The following EPC1 variants were observed in gnomAD, a reference collection of about 807,000 sequenced individuals.
EPC1 encodes the protein enhancer of polycomb homolog 1.
Under a neutral mutation model 98.4 loss-of-function variants are expected in EPC1, and 12 were observed. That is an observed-to-expected ratio of 0.12 (90% CI 0.08 to 0.20). The LOEUF is 0.20. Among genes scored for constraint, EPC1 ranks in the 10% least tolerant of loss-of-function variants. The probability of loss-of-function intolerance (pLI) is 1.00; values close to 1 mark genes in which losing one functional copy is unlikely to be tolerated. For missense variants in EPC1, 729 were observed against 990.5 expected, an observed-to-expected ratio of 0.74 and a Z score of 3.54; for synonymous variants, 357 against 363.9, an observed-to-expected ratio of 0.98 and a Z score of 0.21.
chr10:32,305,739 G>A (rs1293409232), intron 2 of EPC1, 33 bp downstream of exon 2: 1 of 1,519,276 alleles, frequency 6.6e-7, no homozygotes, highest in East Asian at 2.4e-5. Flanking sequence ...GAGAAATATA[G>A]AAAATACAAT....
intron 1 of EPC1, among the ~76,000 whole-genome samples, chr10:32,368,155 A>G (rs1009959822): frequency 6.6e-6 from 1 of 152,248 alleles, no homozygotes; most frequent in African/African-American, 2.4e-5. Context: ...GACAAATAAA[A>G]GAAAGAAGTA....
intron 1 of EPC1, 52 bp from the exon 2 acceptor site, chr10:32,305,983 C>A (rs1294634125): frequency 1.3e-6 from 2 of 1,482,394 alleles, no homozygotes; most frequent in Non-Finnish European, 1.8e-6. Context: ...AAGCAGTAAA[C>A]AGATCATATA....
rs764020605 is a variant in EPC1, at chr10:32,284,789, C to T, written c.1653G>A (p.Arg551=). ...NDELSCRKLY[R]SINRTGTAQP... ...GTGCTGTTCCTGTTCGGTTTATACT[C>T]CTATATAATTTTCTACAGGAGAGTT... is the stretch of plus-strand genomic sequence containing the variant. The change falls in exon 10 of 14, where the codon AGG becomes AGA. Residue 551 remains arginine (R), a synonymous_variant. Transcript: ENST00000319778. 5 of 1,614,154 alleles carry T rather than the reference C, an allele frequency of 3.1e-6. No homozygotes were observed. The South Asian group carries it at 5.5e-5, about 18-fold the overall frequency.
intron 1 of EPC1, among the ~76,000 whole-genome samples, chr10:32,328,883 G>A (rs1837467897): frequency 6.6e-6 from 1 of 152,156 alleles, no homozygotes; most frequent in African/African-American, 2.4e-5. Context: ...TAACATTTTT[G>A]TTCACAGTTC....
At chr10:32,334,760 G>T (rs1310480893) in intron 1 of EPC1, among the ~76,000 whole-genome samples, 2 of 152,162 alleles carry the variant, frequency 1.3e-5, no homozygotes, top group African/African-American at 2.4e-5. Flanking sequence ...ACTGTGTTTT[G>T]TAAGGTGGGG....
At position 32,312,385 on chromosome 10, in the gene EPC1, A is replaced by C. The variant is rs563481800; in HGVS notation, c.154-6454T>G. Among the ~76,000 whole-genome samples the C allele has an allele frequency of 6.6e-5, 10 of 152,340 alleles. No individual in the cohort carries two copies. In the South Asian group the frequency reaches 2.1e-3, roughly 32 times the overall value. On this transcript the variant is annotated intron_variant, in intron 1 of 13. Coordinates refer to ENST00000319778, the MANE Select transcript of EPC1 (RefSeq NM_001272004.3). ...CCATCAATTAGAGAGACATCTGAAAATTGTAAGTTCAAGATATTTAAATAC... is the reference window on the plus strand; with the variant it reads ...CCATCAATTAGAGAGACATCTGAAACTTGTAAGTTCAAGATATTTAAATAC...
At chr10:32,311,932 T>C (rs1328311323) in intron 1 of EPC1, among the ~76,000 whole-genome samples, 3 of 152,232 alleles carry the variant, frequency 2.0e-5, no homozygotes, top group African/African-American at 7.2e-5. Flanking sequence ...TACTGAAAAC[T>C]AATTTAAAAC....
At chr10:32,331,076 G>GA (rs943495526) in intron 1 of EPC1, among the ~76,000 whole-genome samples, 5 of 151,810 alleles carry the variant, frequency 3.3e-5, no homozygotes, top group East Asian at 1.9e-4. Flanking sequence ...AGGGTATACA[G>GA]AAAAAAAGAC....
chr10:32,363,831 T>C lies in EPC1; in HGVS notation c.3+14660A>G, dbSNP rs538644311. Reference sequence around the variant, plus strand: ...TTTCCAAATAGCTAAACTTGCTCAATCTACTTGAAAAGCAATAGCTCTTCA... The same window carrying C: ...TTTCCAAATAGCTAAACTTGCTCAACCTACTTGAAAAGCAATAGCTCTTCA... On this transcript the variant is annotated intron_variant, in intron 1 of 13. Coordinates refer to the EPC1 transcript ENST00000375110. 1.8e-3 allele frequency among the ~76,000 whole-genome samples: 273 copies of C among 151,634 alleles called. 2 individuals are homozygous for C. The highest frequency in any genetic ancestry group is 6.4e-3 in the African/African-American group (261 of 40,980).
intron 1 of EPC1, among the ~76,000 whole-genome samples, chr10:32,363,340 CA>C (rs1460301831): frequency 6.6e-6 from 1 of 152,206 alleles, no homozygotes; most frequent in Non-Finnish European, 1.5e-5. Context: ...CTTGGCCTCC[CA>C]AAGTACTGGG....
At chr10:32,285,752 A>T (rs1836647612) in intron 9 of EPC1, 1 of 152,272 alleles carries the variant, frequency 6.6e-6, no homozygotes, top group South Asian at 2.1e-4. Context: ...TGCTGGGATT[A>T]CAGGTGTGAG....
At chr10:32,368,662 C>G (rs948174312) in intron 1 of EPC1, among the ~76,000 whole-genome samples, 1 of 152,118 alleles carries the variant, frequency 6.6e-6, no homozygotes, top group African/African-American at 2.4e-5. Context: ...TAACAGAGTA[C>G]TTGGAGAAGA....
chr10:32,306,857 A>AAC (rs3029539), intron 1 of EPC1, among the ~76,000 whole-genome samples: 18,864 of 149,614 alleles, frequency 0.13, 1,177 homozygotes, highest in African/African-American at 0.14. Context: ...ATTAAATTCA[A>AAC]ACACACACAC....
In EPC1 at chr10:32,328,781, A is replaced by G. The variant is rs143983703; in HGVS notation, c.153+17982T>C. ...GGATGGGGACTGCAGTGCTCCTCTAATGTTCTGTTATACACATGGAAGTGC... is the reference window on the plus strand; with the variant it reads ...GGATGGGGACTGCAGTGCTCCTCTAGTGTTCTGTTATACACATGGAAGTGC... On this transcript the variant is annotated intron_variant, in intron 1 of 13. Coordinates refer to ENST00000319778, the MANE Select transcript of EPC1 (RefSeq NM_001272004.3). Among the ~76,000 whole-genome samples, 71 of 152,220 alleles carry G rather than the reference A, an allele frequency of 4.7e-4. 1 individual carries two copies. In the East Asian group the frequency reaches 0.014, roughly 29 times the overall value.
chr10:32,308,175 G>GT (rs1835985922), intron 1 of EPC1, among the ~76,000 whole-genome samples: 1 of 152,160 alleles, frequency 6.6e-6, no homozygotes, highest in African/African-American at 2.4e-5. Flanking sequence ...GAGCCCAGGA[G>GT]TTTGAGACCA....
chr10:32,269,112 G>C lies in EPC1; in HGVS notation c.2393C>G (p.Pro798Arg). 6.2e-7 allele frequency: 1 copy of C among 1,613,688 alleles called. No individual in the cohort carries two copies. The highest frequency in any genetic ancestry group is 8.5e-7 in the Non-Finnish European group (1 of 1,179,806). Residue 798 changes from proline to arginine, a missense_variant, in exon 14 of 14, where the codon CCA becomes CGA. Transcript: ENST00000319778. ...VPRENHESEK[P>R]ALNNIADNTV... ...GTTGTCTGCTATGTTGTTCAGTGCT[G>C]GCTTTTCTGATTCATGATTTTCCCT...
intron 1 of EPC1, among the ~76,000 whole-genome samples, chr10:32,310,012 T>C (rs1276483827): frequency 6.6e-6 from 1 of 151,728 alleles, no homozygotes; most frequent in Non-Finnish European, 1.5e-5. Flanking sequence ...CTGGCCAACA[T>C]GGTGAAACCC....
Position 32,273,323 on chromosome 10 carries a change from T to C in EPC1, c.1745-42A>G, listed in dbSNP as rs768869818. On this transcript the variant is annotated intron_variant, in intron 10 of 13. Transcript: ENST00000319778. Reference sequence around the variant, plus strand: ...GAAACACTTTATAAAAATGCCCAGCTGTCATGTATGTCTTACAGTACTAAA... The same window carrying C: ...GAAACACTTTATAAAAATGCCCAGCCGTCATGTATGTCTTACAGTACTAAA... 219 of 1,595,122 alleles carry C rather than the reference T, an allele frequency of 1.4e-4. No homozygotes were observed. In the South Asian group the frequency reaches 1.4e-3, roughly 10 times the overall value.
intron 2 of EPC1, among the ~76,000 whole-genome samples, chr10:32,299,652 T>C (rs1272745531): frequency 1.3e-5 from 2 of 152,198 alleles, no homozygotes; most frequent in East Asian, 1.9e-4. Flanking sequence ...GGCTAGGTTA[T>C]TGCAAAGTAA....
Sources: allele counts gnomAD v4.1 joint callset (sites outside exome capture counted in the v4.1 genomes callset), GRCh38; gene constraint gnomAD v4.1.1; transcripts MANE v1.5; gene names NCBI Gene and HGNC (gene_info 2026-07-23, HGNC 2026-07-21).